The following COPG2 variants were observed in gnomAD, a reference collection of about 807,000 sequenced individuals.
The protein encoded by COPG2 is coatomer subunit gamma-2.
Under a neutral mutation model 46.3 loss-of-function variants are expected in COPG2, and 37 were observed. The ratio of observed to expected loss-of-function variants is 0.80; its 90% CI spans 0.61 to 1.05. The LOEUF (loss-of-function observed/expected upper bound fraction) is 1.05, where lower values mean the gene tolerates loss of function less well. Among genes scored for constraint, COPG2 ranks in the 50% least tolerant of loss-of-function variants. The probability of loss-of-function intolerance (pLI) is 0.00; values close to 1 mark genes in which losing one functional copy is unlikely to be tolerated. For synonymous variants in COPG2, 159 were observed against 129.7 expected, an observed-to-expected ratio of 1.23 and a Z score of -1.53; for missense variants, 427 against 387.8, an observed-to-expected ratio of 1.10 and a Z score of -0.85.
chr7:130,548,154 G>A (rs1341440442), intron 19 of COPG2, among the ~76,000 whole-genome samples: 1 of 152,166 alleles, frequency 6.6e-6, no homozygotes, highest in Non-Finnish European at 1.5e-5. Flanking sequence ...GCTGATTTTA[G>A]AAAATTGGTT....
At chr7:130,617,786 C>T (rs1416221571) in intron 5 of COPG2, among the ~76,000 whole-genome samples, 5 of 152,068 alleles carry the variant, frequency 3.3e-5, no homozygotes, top group African/African-American at 1.2e-4. Flanking sequence ...GACTGATAGT[C>T]CTTCATTTCT....
At chr7:130,566,127 A>G (rs1207886447) in intron 9 of COPG2, among the ~76,000 whole-genome samples, 1 of 152,222 alleles carries the variant, frequency 6.6e-6, no homozygotes, top group Non-Finnish European at 1.5e-5. Flanking sequence ...AAATACAAAA[A>G]TATTCAAATA....
chr7:130,511,404 C>T (rs1480003653), intron 20 of COPG2: 19 of 519,734 alleles, frequency 3.7e-5, no homozygotes, highest in Non-Finnish European at 5.0e-5. Flanking sequence ...TGTAGGACAT[C>T]GAGGAAAGCT....
rs1795739960 is a variant in COPG2 at position 130,651,482 on chromosome 7, T to A, written c.323+1387A>T. Among the ~76,000 whole-genome samples the A allele has an allele frequency of 2.1e-5, 3 of 141,056 alleles. No individual in the cohort carries two copies. The South Asian group carries it at 6.8e-4, about 32-fold the overall frequency. 92.5% of individuals were successfully genotyped at this position (141,056 alleles called of 152,430 possible). A position where few individuals can be genotyped will look rare whatever the true frequency, so the allele number is the denominator to read the frequency against. On this transcript the variant is annotated intron_variant, in intron 5 of 23. Coordinates refer to ENST00000425248, the MANE Select transcript of COPG2 (RefSeq NM_012133.6). ...CAGGAGCGTGCTACCAATGCCTGGC[T>A]AATTTTTTTGTATTTTTTTTTTTTT...
chr7:130,609,483 TGTAA>T (rs1584575723), intron 9 of COPG2, among the ~76,000 whole-genome samples: 1 of 152,334 alleles, frequency 6.6e-6, no homozygotes, highest in East Asian at 1.9e-4. Context: ...CACGTGGAAT[TGTAA>T]GTCCATTAAA....
At chr7:130,525,844 A>G (rs1382831208) in intron 20 of COPG2, among the ~76,000 whole-genome samples, 1 of 152,058 alleles carries the variant, frequency 6.6e-6, no homozygotes, top group African/African-American at 2.4e-5. Context: ...CATCTAGAGG[A>G]AAACAGGAGG....
chr7:130,617,216 A>C (rs17647697), intron 5 of COPG2, among the ~76,000 whole-genome samples, 151 bp from the exon 6 acceptor site: 3,030 of 152,358 alleles, frequency 0.02, 54 homozygotes, highest in East Asian at 0.07. Context: ...ATATGTGCTA[A>C]GACTACTGCG....
intron 9 of COPG2, among the ~76,000 whole-genome samples, chr7:130,602,525 T>A (rs1584569230): frequency 6.6e-6 from 1 of 152,044 alleles, no homozygotes; most frequent in Non-Finnish European, 1.5e-5. Context: ...CAGGTTGGAG[T>A]ATAGTGGCAC....
intron 20 of COPG2, among the ~76,000 whole-genome samples, chr7:130,528,197 A>T (rs1224139756): frequency 6.6e-6 from 1 of 151,964 alleles, no homozygotes; most frequent in South Asian, 2.1e-4. Flanking sequence ...ATGTGGGGGA[A>T]GAGGGTGGGC....
chr7:130,522,828 A>G (rs1799735329), intron 20 of COPG2, among the ~76,000 whole-genome samples: 1 of 152,070 alleles, frequency 6.6e-6, no homozygotes, highest in Admixed American at 6.5e-5. Context: ...GGCCCTTCAA[A>G]ACAATGATCT....
At position 130,634,105 on chromosome 7, in the gene COPG2, C is replaced by T. The variant is rs111618206; in HGVS notation, c.324-17040G>A. Reference sequence around the variant, plus strand: ...TATCTGTTTTGATACCAGTATCACGCTGTTTTGGTTACTGTATCCTTGTAG... The same window carrying T: ...TATCTGTTTTGATACCAGTATCACGTTGTTTTGGTTACTGTATCCTTGTAG... On this transcript the variant is annotated intron_variant, in intron 5 of 23. Transcript: ENST00000425248. 5.0e-3 allele frequency among the ~76,000 whole-genome samples: 760 copies of T among 152,276 alleles called. 4 individuals carry two copies. Among genetic ancestry groups the T allele is most frequent in the African/African-American group, 0.017 (721 of 41,542 alleles).
intron 6 of COPG2, among the ~76,000 whole-genome samples, chr7:130,615,948 T>G (rs1554452777): frequency 6.6e-6 from 1 of 152,200 alleles, no homozygotes; most frequent in Admixed American, 6.5e-5. Flanking sequence ...TAATACTTGA[T>G]ATTGCTTTTA....
chr7:130,518,180 G>A (rs1799694312), intron 20 of COPG2, among the ~76,000 whole-genome samples: 2 of 152,202 alleles, frequency 1.3e-5, no homozygotes. Context: ...AGGGAGAGAG[G>A]TAAATGATTT....
At chr7:130,633,744 T>C (rs1174578884) in intron 5 of COPG2, among the ~76,000 whole-genome samples, 2 of 152,234 alleles carry the variant, frequency 1.3e-5, no homozygotes, top group Admixed American at 6.5e-5. Context: ...TTTGTCTATT[T>C]TGGCTTTTGT....
intron 9 of COPG2, among the ~76,000 whole-genome samples, chr7:130,588,074 T>G (rs1249147653): frequency 1.3e-5 from 2 of 151,542 alleles, no homozygotes; most frequent in Admixed American, 6.6e-5. Context: ...ATCAGAGAAA[T>G]GCAAATCAAA....
intron 9 of COPG2, among the ~76,000 whole-genome samples, chr7:130,566,520 G>T (rs1158731206): frequency 6.6e-6 from 1 of 152,200 alleles, no homozygotes; most frequent in Non-Finnish European, 1.5e-5. Context: ...AGAAGGCGAG[G>T]ATTAAAGAAA....
intron 9 of COPG2, among the ~76,000 whole-genome samples, chr7:130,601,789 T>C (rs1305019280): frequency 3.3e-5 from 5 of 150,304 alleles, no homozygotes; most frequent in African/African-American, 1.2e-4. Flanking sequence ...GTTCTACACA[T>C]TCTGCACATG....
At chr7:130,569,824 C>G (rs1338331098) in intron 9 of COPG2, among the ~76,000 whole-genome samples, 5 of 152,104 alleles carry the variant, frequency 3.3e-5, no homozygotes, top group South Asian at 4.1e-4. Context: ...TATAACTAAC[C>G]AAATTCAACA....
At chr7:130,664,704 A>C (rs1796039416) in intron 3 of COPG2, among the ~76,000 whole-genome samples, 1 of 152,242 alleles carries the variant, frequency 6.6e-6, no homozygotes. Context: ...CCAACATAAA[A>C]ATACATGTTA....
Sources: allele counts gnomAD v4.1 joint callset (sites outside exome capture counted in the v4.1 genomes callset), GRCh38; gene constraint gnomAD v4.1.1; transcripts MANE v1.5; gene names NCBI Gene and HGNC (gene_info 2026-07-23, HGNC 2026-07-21).